Variants in ELK3 observed in about 807,000 individuals in gnomAD.
ELK3 encodes ETS domain-containing protein Elk-3.
Under a neutral mutation model 28.9 loss-of-function variants are expected in ELK3, and 10 were observed. The observed-to-expected ratio is 0.35, with a 90% CI of 0.21 to 0.59. The LOEUF is 0.59. Ranked by LOEUF, ELK3 falls within the 20% of genes least tolerant of loss-of-function variation. The probability of loss-of-function intolerance (pLI) is 0.82; values close to 1 mark genes in which losing one functional copy is unlikely to be tolerated. For synonymous variants in ELK3, 272 were observed against 243.5 expected, an observed-to-expected ratio of 1.12 and a Z score of -1.09; for missense variants, 463 against 517.3, an observed-to-expected ratio of 0.90 and a Z score of 1.02.
In ELK3 at chr12:96,248,279, G is replaced by A. The variant is rs1281250712; in HGVS notation, c.1002+545G>A. ...TTCGCTGAAAGCAGCACTACTCTGA[G>A]AAAGCCCCAGTCCACAGCACTGGCG... On this transcript the variant is annotated intron_variant, in intron 3 of 4. Transcript: ENST00000228741. Among the ~76,000 whole-genome samples, 5 of 152,356 alleles carry A rather than the reference G, an allele frequency of 3.3e-5. No homozygotes were observed. In the South Asian group the frequency reaches 6.2e-4, roughly 19 times the overall value.
At chr12:96,244,138 A>C (rs1238768658) in intron 2 of ELK3, among the ~76,000 whole-genome samples, 1 of 152,174 alleles carries the variant, frequency 6.6e-6, no homozygotes, top group African/African-American at 2.4e-5. Flanking sequence ...TTATTCCTCA[A>C]ATAATGAATT....
intron 3 of ELK3, among the ~76,000 whole-genome samples, chr12:96,253,399 C>T (rs1951922455): frequency 6.6e-6 from 1 of 152,222 alleles, no homozygotes; most frequent in Admixed American, 6.5e-5. Flanking sequence ...CTGCTTCCTC[C>T]CCTGTCCCTT....
At chr12:96,265,492 C>T (rs577191885) in intron 4 of ELK3, among the ~76,000 whole-genome samples, 1 of 152,104 alleles carries the variant, frequency 6.6e-6, no homozygotes, top group Admixed American at 6.5e-5. Flanking sequence ...TCCAGACCAG[C>T]CTGGGCAACA....
intron 4 of ELK3, among the ~76,000 whole-genome samples, chr12:96,261,493 GAGC>G (rs1280847169): frequency 5.3e-5 from 8 of 152,306 alleles, no homozygotes; most frequent in South Asian, 2.1e-4. Context: ...CTTAAGATTA[GAGC>G]AGCAGAATTC....
At chr12:96,241,426 T>TTTTG (rs1555195185) in intron 2 of ELK3, among the ~76,000 whole-genome samples, 1 of 146,348 alleles carries the variant, frequency 6.8e-6, no homozygotes, top group African/African-American at 2.5e-5. Context: ...AGTGGAGCGT[T>TTTTG]TGTGTGTGTG....
chr12:96,196,810 G>T (rs116170173), intron 1 of ELK3, among the ~76,000 whole-genome samples: 1,698 of 149,148 alleles, frequency 0.011, 45 homozygotes, highest in African/African-American at 0.039. Context: ...TACTAAAAAG[G>T]GTCAAAAGGA....
intron 2 of ELK3, among the ~76,000 whole-genome samples, chr12:96,238,171 T>C (rs1308954179): frequency 6.6e-6 from 1 of 152,180 alleles, no homozygotes; most frequent in Non-Finnish European, 1.5e-5. Context: ...AAGTGTGATA[T>C]AATGAGCAGT....
intron 1 of ELK3, among the ~76,000 whole-genome samples, chr12:96,209,554 T>C (rs1189604260): frequency 6.6e-6 from 1 of 152,208 alleles, no homozygotes; most frequent in Non-Finnish European, 1.5e-5. Flanking sequence ...TTCAAGTTTA[T>C]CAGAAAGATT....
At chr12:96,217,122 A>G (rs995972166) in intron 1 of ELK3, among the ~76,000 whole-genome samples, 2 of 152,194 alleles carry the variant, frequency 1.3e-5, no homozygotes, top group African/African-American at 2.4e-5. Flanking sequence ...GTGGTGGCAC[A>G]TACCTGTAGC....
intron 2 of ELK3, among the ~76,000 whole-genome samples, chr12:96,233,948 T>C (rs1299144728): frequency 6.6e-6 from 1 of 152,152 alleles, no homozygotes; most frequent in Non-Finnish European, 1.5e-5. Flanking sequence ...GTTGGAAGCA[T>C]AACAGATGGC....
chr12:96,211,486 TTTGTG>T (rs1427689515), intron 1 of ELK3, among the ~76,000 whole-genome samples: 11,755 of 133,262 alleles, frequency 0.088, 505 homozygotes, highest in Non-Finnish European at 0.11. Flanking sequence ...TCATTGTGTG[TTTGTG>T]TGTGTGTGTG....
chr12:96,253,050 C>A (rs950103874), intron 3 of ELK3, among the ~76,000 whole-genome samples: 1 of 152,176 alleles, frequency 6.6e-6, no homozygotes, highest in East Asian at 1.9e-4. Flanking sequence ...CACCTGAGGT[C>A]AGGAGTTCAA....
At chr12:96,223,936 TC>T (rs1367326839) in intron 2 of ELK3, 163 bp downstream of exon 2, 9 of 720,664 alleles carry the variant, frequency 1.2e-5, no homozygotes, top group Admixed American at 8.3e-5. Context: ...GTAGGGATTT[TC>T]CCCACCCTCT....
At chr12:96,196,747 G>GTTTTT (rs56206854) in intron 1 of ELK3, among the ~76,000 whole-genome samples, 1 of 137,236 alleles carries the variant, frequency 7.3e-6, no homozygotes. Flanking sequence ...CTCTAAAAGT[G>GTTTTT]TTTTTTTTTT....
At chr12:96,206,911 C>T (rs187567997) in intron 1 of ELK3, among the ~76,000 whole-genome samples, 1 of 152,028 alleles carries the variant, frequency 6.6e-6, no homozygotes, top group African/African-American at 2.4e-5. Flanking sequence ...TTGGTCTGCC[C>T]CTCGATGACA....
intron 1 of ELK3, among the ~76,000 whole-genome samples, chr12:96,195,273 T>TGTGGGGC (rs1231337863): frequency 1.3e-5 from 2 of 148,656 alleles, no homozygotes; most frequent in East Asian, 4.1e-4. Flanking sequence ...GTCGCGAAGG[T>TGTGGGGC]GTGGGGCTGG....
At chr12:96,227,636 T>TGTCAGGAAGGCCCCGGAGGAGGGTCGTCC in intron 2 of ELK3, among the ~76,000 whole-genome samples, 1 of 11,214 alleles carries the variant, frequency 8.9e-5, no homozygotes, top group South Asian at 2.3e-3. Flanking sequence ...GAGGGTCATC[T>TGTCAGGAAGGCCCCGGAGGAGGGTCGTCC]CTGTGCCCAT....
At chr12:96,250,084 AC>A (rs1352660886) in intron 3 of ELK3, among the ~76,000 whole-genome samples, 1 of 152,036 alleles carries the variant, frequency 6.6e-6, no homozygotes, top group Non-Finnish European at 1.5e-5. Context: ...AAGTAAAGGG[AC>A]CTGGCTCAGA....
intron 1 of ELK3, among the ~76,000 whole-genome samples, chr12:96,196,006 G>A (rs1003772359): frequency 6.6e-6 from 1 of 151,968 alleles, no homozygotes; most frequent in African/African-American, 2.4e-5. Context: ...AGTTGGCTGC[G>A]GAGAGGGTTA....
Sources: allele counts gnomAD v4.1 joint callset (sites outside exome capture counted in the v4.1 genomes callset), GRCh38; gene constraint gnomAD v4.1.1; transcripts MANE v1.5; gene names NCBI Gene and HGNC (gene_info 2026-07-23, HGNC 2026-07-21).